The following EDDM3A variants were observed in gnomAD, a reference collection of about 807,000 sequenced individuals.
The protein encoded by EDDM3A is epididymal secretory protein E3-alpha.
For missense variants in EDDM3A, 199 were observed against 177.4 expected (o/e 1.12, Z -0.69); for synonymous variants, 75 against 60.4 (o/e 1.24, Z -1.12).
chr14:20,738,222 C>T, the EDDM3A span, among the ~76,000 whole-genome samples: 3 of 152,136 alleles, frequency 2.0e-5, no homozygotes, highest in Non-Finnish European at 4.4e-5. Context: ...GCCTGTAATC[C>T]TAGCACTTTG....
rs550370033 is a variant in EDDM3A at position 20,747,477 on chromosome 14, G to T, written c.-26-78G>T. 4.7e-6 allele frequency: 4 copies of T among 856,678 alleles called. No homozygotes were observed. The East Asian group carries it at 7.4e-5, about 16-fold the overall frequency. The allele number at this position is 856,678 out of a possible 1,614,324, so 53.1% of individuals were successfully genotyped here. A position where few individuals can be genotyped will look rare whatever the true frequency, so the allele number is the denominator to read the frequency against. ...AATATAGTGCCCAAGTACCTGCTTG[G>T]CAGGGAAAGGAATTTTAAGGTGGAG... On this transcript the variant is annotated intron_variant, in intron 1 of 1. Coordinates refer to ENST00000326842, the MANE Select transcript of EDDM3A (RefSeq NM_006683.5).
At chr14:20,741,745 G>T (rs756598506), upstream of EDDM3A, among the ~76,000 whole-genome samples, 1 of 152,058 alleles carries the variant, frequency 6.6e-6, no homozygotes, top group Non-Finnish European at 1.5e-5. Flanking sequence ...AAAATGATGG[G>T]GCCCGAGGGC....
chr14:20,737,991 A>G, the EDDM3A span, among the ~76,000 whole-genome samples: 6 of 152,232 alleles, frequency 3.9e-5, no homozygotes, highest in South Asian at 2.1e-4. Flanking sequence ...CCAAAGTATC[A>G]ACATTATTTA....
chr14:20,739,062 A>G, the EDDM3A span, among the ~76,000 whole-genome samples: 145 of 152,342 alleles, frequency 9.5e-4, no homozygotes, highest in Non-Finnish European at 1.8e-3. Context: ...TCTTGTGTAT[A>G]CTGTTTCTCA....
the EDDM3A span, among the ~76,000 whole-genome samples, chr14:20,740,285 G>A: frequency 1.3e-5 from 2 of 152,220 alleles, no homozygotes; most frequent in African/African-American, 4.8e-5. Flanking sequence ...CTAGCCTGGA[G>A]GGTCCTCATG....
At position 20,747,085 on chromosome 14, in the gene EDDM3A, T is replaced by A. The variant is rs1877614362; in HGVS notation, c.-26-470T>A. Among the ~76,000 whole-genome samples, 14 of 150,736 alleles carry A rather than the reference T, an allele frequency of 9.3e-5. No homozygotes were observed. In the Admixed American group the frequency reaches 9.4e-4, roughly 10 times the overall value. On this transcript the variant is annotated intron_variant, in intron 1 of 1. Transcript: ENST00000326842. ...CTCACAGGCTAAAGCATATTTTTAG[T>A]TCTTAGAAACTGTATTCTTTTTTTT...
Position 20,748,039 on chromosome 14 carries a change from T to C in EDDM3A, c.*15T>C. ...TCAGCAACTAGAAAGTCTATGCACATCCTCAGATATTGGTAGAGTATTCAG... is the reference window on the plus strand; with the variant it reads ...TCAGCAACTAGAAAGTCTATGCACACCCTCAGATATTGGTAGAGTATTCAG... On this transcript the variant is annotated 3_prime_UTR_variant, in exon 2 of 2. Coordinates refer to ENST00000326842, the MANE Select transcript of EDDM3A (RefSeq NM_006683.5). 1 of 1,570,236 alleles carries C rather than the reference T, an allele frequency of 6.4e-7. No homozygotes were observed. Among genetic ancestry groups the C allele is most frequent in the Non-Finnish European group, 8.6e-7 (1 of 1,158,178 alleles).
rs1377797931 is a variant in EDDM3A at position 20,748,052 on chromosome 14, G to T, written c.*28G>T. 3.2e-6 allele frequency: 5 copies of T among 1,546,756 alleles called. No individual in the cohort carries two copies. The African/African-American group carries it at 6.9e-5, about 21-fold the overall frequency. On this transcript the variant is annotated 3_prime_UTR_variant, in exon 2 of 2. Transcript: ENST00000326842. ...AGTCTATGCACATCCTCAGATATTGGTAGAGTATTCAGTGCTTCCAAAGTG... is the reference window on the plus strand; with the variant it reads ...AGTCTATGCACATCCTCAGATATTGTTAGAGTATTCAGTGCTTCCAAAGTG...
chr14:20,738,470 A>AAAAT, the EDDM3A span, among the ~76,000 whole-genome samples: 53,288 of 142,922 alleles, frequency 0.37, 10,062 homozygotes, highest in Admixed American at 0.44. Context: ...ACTCTGTCTC[A>AAAAT]AAATAAATAA....
upstream of EDDM3A, among the ~76,000 whole-genome samples, chr14:20,743,778 C>T (rs1289363299): frequency 1.3e-5 from 2 of 152,126 alleles, no homozygotes; most frequent in Non-Finnish European, 2.9e-5. Context: ...GTTGGGTTAC[C>T]TTCCTGGGCT....
At chr14:20,745,027 A>T (rs1453302462), upstream of EDDM3A, among the ~76,000 whole-genome samples, 1 of 152,094 alleles carries the variant, frequency 6.6e-6, no homozygotes, top group African/African-American at 2.4e-5. Flanking sequence ...TTCAAGACCA[A>T]CCTGGCCAAC....
chr14:20,747,498 T>G, intron 1 of EDDM3A, 57 bp from the exon 2 acceptor site: 2 of 1,117,078 alleles, frequency 1.8e-6, no homozygotes, highest in Non-Finnish European at 2.6e-6. Flanking sequence ...AATTTTAAGG[T>G]GGAGCTCAGC....
chr14:20,742,102 G>A (rs903966666), upstream of EDDM3A, among the ~76,000 whole-genome samples: 16 of 152,152 alleles, frequency 1.1e-4, no homozygotes, highest in African/African-American at 3.9e-4. Flanking sequence ...GAATATTACA[G>A]TGTCCCCAGA....
At chr14:20,743,374 AC>A (rs1417766893), upstream of EDDM3A, among the ~76,000 whole-genome samples, 2 of 152,056 alleles carry the variant, frequency 1.3e-5, no homozygotes, top group Admixed American at 1.3e-4. Flanking sequence ...ACATGGCAAA[AC>A]CCTGTTTCTA....
the EDDM3A span, among the ~76,000 whole-genome samples, chr14:20,739,380 T>G: frequency 1.3e-5 from 2 of 152,226 alleles, no homozygotes; most frequent in Non-Finnish European, 1.5e-5. Flanking sequence ...TATCCATCCC[T>G]TATTTGGATA....
At position 20,747,598 on chromosome 14, in the gene EDDM3A, G is replaced by A. The variant is rs754690133; in HGVS notation, c.18G>A (p.Lys6=). The A allele has an allele frequency of 2.5e-6, 4 of 1,608,040 alleles. No individual in the cohort carries two copies. Among genetic ancestry groups the A allele is most frequent in the Non-Finnish European group, 3.4e-6 (4 of 1,176,696 alleles). Residue 6 remains lysine, a synonymous_variant, in exon 2 of 2, where the codon AAG becomes AAA. Coordinates refer to ENST00000326842, the MANE Select transcript of EDDM3A (RefSeq NM_006683.5). MTSSL[K]IWGILLALLC... Reference sequence around the variant, plus strand: ...TGACTGAGATGACATCCTCTCTAAAGATTTGGGGCATACTCTTGGCCCTGC... The same window carrying A: ...TGACTGAGATGACATCCTCTCTAAAAATTTGGGGCATACTCTTGGCCCTGC...
upstream of EDDM3A, among the ~76,000 whole-genome samples, chr14:20,741,999 C>T (rs1877448459): frequency 6.6e-6 from 1 of 152,230 alleles, no homozygotes; most frequent in Non-Finnish European, 1.5e-5. Flanking sequence ...TAAAGCGTCA[C>T]TTCTTACATA....
rs1275253109 is a variant in EDDM3A at position 20,745,942 on chromosome 14, A to T, written c.-77A>T. On this transcript the variant is annotated 5_prime_UTR_variant, in exon 1 of 2. Coordinates refer to ENST00000326842, the MANE Select transcript of EDDM3A (RefSeq NM_006683.5). Reference sequence around the variant, plus strand: ...GACGCAGACTCTGCTCTTCAGATCCACATGCTGATCCCCACTACAATCAGT... The same window carrying T: ...GACGCAGACTCTGCTCTTCAGATCCTCATGCTGATCCCCACTACAATCAGT... 1.3e-5 allele frequency: 2 copies of T among 152,226 alleles called. No homozygotes were observed. The highest frequency in any genetic ancestry group is 6.5e-5 in the Admixed American group (1 of 15,274). The allele number at this position is 152,226 out of a possible 1,614,324, so 9.4% of individuals were successfully genotyped here.
In EDDM3A at chr14:20,747,860, G is replaced by GTA. The variant is rs1877652240; in HGVS notation, c.282_283dup (p.Trp95TyrfsTer36). The GTA allele has an allele frequency of 6.2e-7, 1 of 1,614,060 alleles. No individual in the cohort carries two copies. The highest frequency in any genetic ancestry group is 8.5e-7 in the Non-Finnish European group (1 of 1,180,024). ...GAGCGACCGATATAGAAATGCATAT[G>GTA]TATGGGCCCCAGGTGCCCTCAAAGT... On this transcript the variant is annotated frameshift_variant, in exon 2 of 2. Transcript: ENST00000326842. LOFTEE classifies it low-confidence loss of function (END_TRUNC).
Sources: allele counts gnomAD v4.1 joint callset (sites outside exome capture counted in the v4.1 genomes callset), GRCh38; gene constraint gnomAD v4.1.1; transcripts MANE v1.5; gene names NCBI Gene and HGNC (gene_info 2026-07-23, HGNC 2026-07-21).